Variants in BBS9 observed in about 807,000 individuals in gnomAD.
BBS9 encodes Bardet-Biedl syndrome 9, also known as protein PTHB1.
BBS9 carries 89 observed loss-of-function variants against 117.7 expected under a neutral mutation model. The observed-to-expected ratio is 0.76, with a 90% CI of 0.64 to 0.90. The LOEUF is 0.90. Ranked by LOEUF, BBS9 falls within the 40% of genes least tolerant of loss-of-function variation. The pLI is 0.00. For synonymous variants in BBS9, 379 were observed against 370.9 expected, an observed-to-expected ratio of 1.02 and a Z score of -0.25; for missense variants, 982 against 1,042.2, an observed-to-expected ratio of 0.94 and a Z score of 0.80.
rs1479776806 is a variant in BBS9 at position 33,272,737 on chromosome 7, G to A, written c.703-275G>A. On this transcript the variant is annotated intron_variant, in intron 7 of 22. Transcript: ENST00000242067. ...TAAGCACAATATCATTTTCATGGAA[G>A]TTTTTTAGGGAAGCAGATAAGTGTT... Among the ~76,000 whole-genome samples, 3 of 152,052 alleles carry A rather than the reference G, an allele frequency of 2.0e-5. No homozygotes were observed. The South Asian group carries it at 6.2e-4, about 31-fold the overall frequency.
intron 5 of BBS9, among the ~76,000 whole-genome samples, chr7:33,215,061 G>A (rs974884598): frequency 1.1e-4 from 17 of 152,228 alleles, no homozygotes; most frequent in South Asian, 2.1e-4. Context: ...GCATGGTGGC[G>A]GGTACCTGTA....
intron 6 of BBS9, among the ~76,000 whole-genome samples, chr7:33,261,078 T>A (rs180879650): frequency 6.6e-6 from 1 of 151,880 alleles, no homozygotes; most frequent in Non-Finnish European, 1.5e-5. Context: ...TTTTTTTTTT[T>A]CCCACATACT....
chr7:33,492,439 G>A (rs371438179), intron 19 of BBS9, among the ~76,000 whole-genome samples: 7 of 152,172 alleles, frequency 4.6e-5, no homozygotes, highest in African/African-American at 4.8e-5. Context: ...TAAATTACCA[G>A]AGCCCAGATT....
downstream of BBS9, among the ~76,000 whole-genome samples, chr7:33,608,788 T>C (rs550455242): frequency 6.6e-6 from 1 of 152,268 alleles, no homozygotes; most frequent in East Asian, 1.9e-4. Flanking sequence ...TTTGCACATA[T>C]TTTCTCCTAT....
intron 21 of BBS9, among the ~76,000 whole-genome samples, chr7:33,573,504 A>G (rs1301530424): frequency 6.6e-6 from 1 of 152,068 alleles, no homozygotes; most frequent in Admixed American, 6.6e-5. Context: ...TTCTTGTCTA[A>G]GCTTTATAGT....
At chr7:33,623,130 A>AAAAT (rs1353820902) in intron 21 of BBS9, among the ~76,000 whole-genome samples, 3 of 152,218 alleles carry the variant, frequency 2.0e-5, no homozygotes, top group African/African-American at 7.2e-5. Flanking sequence ...AAAGTGGAAG[A>AAAAT]AAATATTTCC....
rs10258714 is a variant in BBS9 at position 33,303,530 on chromosome 7, C to T, written c.1016+29574C>T. 3.2e-4 allele frequency among the ~76,000 whole-genome samples: 38 copies of T among 119,490 alleles called. 4 individuals are homozygous for T. Among genetic ancestry groups the T allele is most frequent in the Admixed American group, 1.4e-3 (16 of 11,532 alleles). The allele number at this position is 119,490 out of a possible 152,430, so 78.4% of individuals were successfully genotyped here. A position where few individuals can be genotyped will look rare whatever the true frequency, so the allele number is the denominator to read the frequency against. On this transcript the variant is annotated intron_variant, in intron 9 of 22. Transcript: ENST00000242067. ...CAACTGAAATGATCCCCTCCCCCCG[C>T]CCCTTCTTTCTTTGGTCTCCCTCTG...
At chr7:33,306,750 AC>A (rs1289226724) in intron 9 of BBS9, among the ~76,000 whole-genome samples, 3 of 152,122 alleles carry the variant, frequency 2.0e-5, no homozygotes, top group African/African-American at 7.2e-5. Flanking sequence ...GAAAATTATT[AC>A]CACATGTGTG....
chr7:33,559,226 A>C (rs1266476071), intron 21 of BBS9, among the ~76,000 whole-genome samples: 1 of 152,188 alleles, frequency 6.6e-6, no homozygotes, highest in East Asian at 1.9e-4. Context: ...AGGAATAAAC[A>C]CTGCACAGCT....
At chr7:33,202,027 C>T (rs1176557746) in intron 5 of BBS9, among the ~76,000 whole-genome samples, 1 of 152,038 alleles carries the variant, frequency 6.6e-6, no homozygotes, top group Non-Finnish European at 1.5e-5. Context: ...ACTTCTGGGA[C>T]CCAGTGAATG....
intron 21 of BBS9, among the ~76,000 whole-genome samples, chr7:33,589,119 A>G (rs1315299052): frequency 6.6e-6 from 1 of 152,172 alleles, no homozygotes; most frequent in African/African-American, 2.4e-5. Context: ...GAAGCAATTT[A>G]GCAATACAGT....
intron 21 of BBS9, among the ~76,000 whole-genome samples, chr7:33,586,790 T>C (rs1860971044): frequency 6.6e-6 from 1 of 152,086 alleles, no homozygotes; most frequent in Non-Finnish European, 1.5e-5. Context: ...AAGTGAACTA[T>C]GCAGAAACAG....
At chr7:33,145,809 G>C (rs1461937704) in intron 1 of BBS9, among the ~76,000 whole-genome samples, 1 of 152,162 alleles carries the variant, frequency 6.6e-6, no homozygotes, top group African/African-American at 2.4e-5. Flanking sequence ...CATCTGTGGG[G>C]TCTTGGAACC....
chr7:33,421,354 C>A (rs1365440797), intron 19 of BBS9, among the ~76,000 whole-genome samples: 1 of 152,054 alleles, frequency 6.6e-6, no homozygotes, highest in Non-Finnish European at 1.5e-5. Flanking sequence ...AAAATACTCC[C>A]TGTCATACAT....
intron 9 of BBS9, among the ~76,000 whole-genome samples, chr7:33,313,070 C>T (rs1440353344): frequency 6.6e-6 from 1 of 151,322 alleles, no homozygotes; most frequent in Admixed American, 6.6e-5. Flanking sequence ...TGTGTGCGCG[C>T]ACAGGCACGT....
intron 5 of BBS9, among the ~76,000 whole-genome samples, chr7:33,217,748 T>C (rs574351843): frequency 6.6e-6 from 1 of 152,350 alleles, no homozygotes; most frequent in African/African-American, 2.4e-5. Context: ...ATGTTGAGTA[T>C]GCTAAGTAAT....
At chr7:33,609,576 C>T (rs1173832461), downstream of BBS9, among the ~76,000 whole-genome samples, 3 of 152,094 alleles carry the variant, frequency 2.0e-5, no homozygotes, top group Non-Finnish European at 4.4e-5. Flanking sequence ...ATATTCTTAA[C>T]AGGCAAGAAA....
At chr7:33,183,345 C>G (rs895807754) in intron 5 of BBS9, among the ~76,000 whole-genome samples, 1 of 152,018 alleles carries the variant, frequency 6.6e-6, no homozygotes, top group Non-Finnish European at 1.5e-5. Context: ...GAAGAAAAAA[C>G]CCCTTTTCCA....
chr7:33,352,815 C>G, intron 14 of BBS9, 44 bp from the exon 15 acceptor site: 1 of 1,604,174 alleles, frequency 6.2e-7, no homozygotes, highest in Non-Finnish European at 8.5e-7. Context: ...AATTTGTTGC[C>G]TTCTTTTCCC....
Sources: allele counts gnomAD v4.1 joint callset (sites outside exome capture counted in the v4.1 genomes callset), GRCh38; gene constraint gnomAD v4.1.1; transcripts MANE v1.5; gene names NCBI Gene and HGNC (gene_info 2026-07-23, HGNC 2026-07-21).